Variants in PTPRD observed in about 807,000 individuals in gnomAD.
PTPRD encodes protein tyrosine phosphatase receptor type D, also known as receptor-type tyrosine-protein phosphatase delta.
In PTPRD, 34 loss-of-function variants were observed where a neutral mutation model predicts 214.5. The ratio of observed to expected loss-of-function variants is 0.16; its 90% confidence interval spans 0.12 to 0.21. The LOEUF is 0.21. Ranked by LOEUF, PTPRD falls within the 10% of genes least tolerant of loss-of-function variation. PTPRD has a pLI of 1.00. For missense variants in PTPRD, 2,545 were observed against 2,398.7 expected, an observed-to-expected ratio of 1.06 and a Z score of -1.27; for synonymous variants, 1,128 against 845.7, an observed-to-expected ratio of 1.33 and a Z score of -5.79.
chr9:10,138,703 A>G (rs2098960168), intron 3 of PTPRD, among the ~76,000 whole-genome samples: 1 of 152,176 alleles, frequency 6.6e-6, no homozygotes, highest in East Asian at 1.9e-4. Context: ...TTAGTTCACA[A>G]TGACCAAATA....
chr9:10,422,874 A>T (rs1367156256), intron 2 of PTPRD, among the ~76,000 whole-genome samples: 1 of 152,124 alleles, frequency 6.6e-6, no homozygotes, highest in Non-Finnish European at 1.5e-5. Flanking sequence ...AAACAAGTTC[A>T]ACCATTGTGG....
intron 11 of PTPRD, among the ~76,000 whole-genome samples, chr9:8,847,832 A>G (rs1212532222): frequency 2.0e-5 from 3 of 152,224 alleles, no homozygotes; most frequent in African/African-American, 7.2e-5. Context: ...GTATTTTAGA[A>G]GACATTATAA....
chr9:9,922,943 C>A (rs908293376), intron 5 of PTPRD, among the ~76,000 whole-genome samples: 1 of 132,742 alleles, frequency 7.5e-6, no homozygotes, highest in Non-Finnish European at 1.7e-5. Context: ...ATGTAATATA[C>A]TGCTAGTATT....
At chr9:8,888,596 C>G (rs948487091) in intron 11 of PTPRD, among the ~76,000 whole-genome samples, 31 of 152,294 alleles carry the variant, frequency 2.0e-4, no homozygotes, top group African/African-American at 6.3e-4. Context: ...CAGACTACAA[C>G]CTAACAATTC....
At chr9:10,368,333 T>G (rs1262118655) in intron 2 of PTPRD, among the ~76,000 whole-genome samples, 1 of 152,276 alleles carries the variant, frequency 6.6e-6, no homozygotes, top group African/African-American at 2.4e-5. Context: ...TAAAGATATC[T>G]AATGAAAGAC....
At chr9:10,425,851 G>A (rs2098608874) in intron 2 of PTPRD, among the ~76,000 whole-genome samples, 1 of 151,796 alleles carries the variant, frequency 6.6e-6, no homozygotes, top group Non-Finnish European at 1.5e-5. Flanking sequence ...TGCTGTACAT[G>A]TGATTATATT....
chr9:10,455,110 A>G (rs2098898817), intron 2 of PTPRD, among the ~76,000 whole-genome samples: 1 of 151,712 alleles, frequency 6.6e-6, no homozygotes, highest in Non-Finnish European at 1.5e-5. Context: ...CCCACATTTT[A>G]AGAAAACTGC....
At chr9:8,431,726 C>A (rs551409494) in intron 35 of PTPRD, among the ~76,000 whole-genome samples, 1 of 152,170 alleles carries the variant, frequency 6.6e-6, no homozygotes, top group Non-Finnish European at 1.5e-5. Context: ...TTTTAAAATG[C>A]AGATTTGTGG....
chr9:9,002,995 G>A lies in PTPRD; in HGVS notation c.-104+15702C>T, dbSNP rs144794554. Among the ~76,000 whole-genome samples, 650 of 152,094 alleles carry A rather than the reference G, an allele frequency of 4.3e-3. 8 individuals are homozygous for A. The highest frequency in any genetic ancestry group is 0.015 in the African/African-American group (617 of 41,498). On this transcript the variant is annotated intron_variant, in intron 11 of 45. Transcript: ENST00000381196. Reference sequence around the variant, plus strand: ...GGACTACTGCTGGAAATTAATCACCGTAGAAGTATTTAACCCAAAGAAATC... The same window carrying A: ...GGACTACTGCTGGAAATTAATCACCATAGAAGTATTTAACCCAAAGAAATC...
intron 4 of PTPRD, among the ~76,000 whole-genome samples, chr9:9,954,289 T>C (rs1365625876): frequency 2.4e-5 from 2 of 83,022 alleles, no homozygotes; most frequent in Non-Finnish European, 4.3e-5. Flanking sequence ...TGAGACTCTG[T>C]CTCAAAACAA....
rs559582871 is a variant in PTPRD at position 10,268,972 on chromosome 9, T to C, written c.-545+71991A>G. Among the ~76,000 whole-genome samples the C allele has an allele frequency of 2.6e-5, 4 of 152,314 alleles. No homozygotes were observed. In the South Asian group the frequency reaches 8.3e-4, roughly 32 times the overall value. ...CTGGCCTCTAGCCATCGAATGTCAG[T>C]AGCGCCCTCCAGTGTCACAATCAAA... On this transcript the variant is annotated intron_variant, in intron 3 of 45. Coordinates refer to ENST00000381196, the MANE Select transcript of PTPRD (RefSeq NM_002839.4).
chr9:9,355,994 G>A (rs1284344236), intron 9 of PTPRD, among the ~76,000 whole-genome samples: 1 of 151,354 alleles, frequency 6.6e-6, no homozygotes, highest in Non-Finnish European at 1.5e-5. Flanking sequence ...CCAGAGACTA[G>A]AGCATTGGAT....
intron 2 of PTPRD, among the ~76,000 whole-genome samples, chr9:10,428,111 T>G (rs1416957162): frequency 2.6e-5 from 4 of 151,944 alleles, no homozygotes; most frequent in Non-Finnish European, 5.9e-5. Flanking sequence ...GGTCAGGAGT[T>G]TGAGACCAGC....
chr9:9,162,993 C>T (rs1297181188), intron 10 of PTPRD, among the ~76,000 whole-genome samples: 4 of 152,086 alleles, frequency 2.6e-5, no homozygotes, highest in Admixed American at 2.6e-4. Flanking sequence ...TGGGGTACAA[C>T]TCTCTTCTGG....
chr9:9,645,455 A>ATG lies in PTPRD; in HGVS notation c.-286-70676_-286-70675dup, dbSNP rs898463386. Among the ~76,000 whole-genome samples, 45 of 99,304 alleles carry ATG rather than the reference A, an allele frequency of 4.5e-4. 1 individual carries two copies. Among genetic ancestry groups the ATG allele is most frequent in the Admixed American group, 1.2e-3 (10 of 8,560 alleles). 65.1% of individuals were successfully genotyped at this position (99,304 alleles called of 152,430 possible). A position where few individuals can be genotyped will look rare whatever the true frequency, so the allele number is the denominator to read the frequency against. Reference sequence around the variant, plus strand: ...ATAATTATCAGGTTTCCCTACATATATGTATATATATATATATATATATAT... The same window carrying ATG: ...ATAATTATCAGGTTTCCCTACATATATGTGTATATATATATATATATATATAT... On this transcript the variant is annotated intron_variant, in intron 7 of 45. Coordinates refer to ENST00000381196, the MANE Select transcript of PTPRD (RefSeq NM_002839.4).
intron 4 of PTPRD, among the ~76,000 whole-genome samples, chr9:10,016,600 G>A (rs1166470363): frequency 4.0e-5 from 6 of 151,644 alleles, no homozygotes; most frequent in Non-Finnish European, 5.9e-5. Context: ...TGTGGAGATT[G>A]TTTCCAGGTT....
chr9:9,019,520 C>T (rs532404659), intron 10 of PTPRD, among the ~76,000 whole-genome samples: 2 of 152,222 alleles, frequency 1.3e-5, no homozygotes, highest in African/African-American at 4.8e-5. Context: ...GCCTGGCCAA[C>T]ATGGTGAAAC....
intron 11 of PTPRD, among the ~76,000 whole-genome samples, chr9:8,787,743 C>T (rs899529208): frequency 4.6e-5 from 7 of 152,182 alleles, no homozygotes; most frequent in Admixed American, 2.0e-4. Flanking sequence ...TATTAGGTCT[C>T]ATAACTACAT....
In PTPRD at chr9:9,947,379, T is replaced by C. The variant is rs568510038; in HGVS notation, c.-471-8769A>G. ...TTATATATATTATATATATATTATA[T>C]ATATTTTATATACATATTATATATA... On this transcript the variant is annotated intron_variant, in intron 4 of 45. Transcript: ENST00000381196. 2.1e-3 allele frequency among the ~76,000 whole-genome samples: 138 copies of C among 65,970 alleles called. 12 individuals carry two copies. The South Asian group carries it at 0.051, about 24-fold the overall frequency. The allele number at this position is 65,970 out of a possible 152,430, so 43.3% of individuals were successfully genotyped here.
Sources: allele counts gnomAD v4.1 joint callset (sites outside exome capture counted in the v4.1 genomes callset), GRCh38; gene constraint gnomAD v4.1.1; transcripts MANE v1.5; gene names NCBI Gene and HGNC (gene_info 2026-07-23, HGNC 2026-07-21).